TBC1D22A: variants seen among roughly 807,000 people sequenced by gnomAD.
TBC1D22A encodes putative GTPase activator.
TBC1D22A carries 38 observed loss-of-function variants against 60.2 expected under a neutral mutation model. The ratio of observed to expected loss-of-function variants is 0.63; its 90% CI spans 0.49 to 0.83. TBC1D22A has a LOEUF of 0.83. Ranked by LOEUF, TBC1D22A falls within the 40% of genes least tolerant of loss-of-function variation. The pLI is 0.00. For missense variants in TBC1D22A, 628 were observed against 701.0 expected, an observed-to-expected ratio of 0.90 and a Z score of 1.18; for synonymous variants, 302 against 281.7, an observed-to-expected ratio of 1.07 and a Z score of -0.72.
At chr22:47,091,373 G>GGTGGCTGC (rs1569437436) in intron 11 of TBC1D22A, among the ~76,000 whole-genome samples, 6 of 62,324 alleles carry the variant, frequency 9.6e-5, no homozygotes, top group Middle Eastern at 0.015. Flanking sequence ...TCGCAGAGGG[G>GGTGGCTGC]TTGTTGATAG....
intron 11 of TBC1D22A, among the ~76,000 whole-genome samples, chr22:47,050,533 C>T (rs1417951235): frequency 6.6e-6 from 1 of 152,248 alleles, no homozygotes; most frequent in Non-Finnish European, 1.5e-5. Flanking sequence ...AGCTTGAGAG[C>T]ATCCGTTCAG....
In TBC1D22A at chr22:46,822,569, A is replaced by T. The variant is rs139589; in HGVS notation, c.637+24949A>T. 8.8e-4 allele frequency among the ~76,000 whole-genome samples: 133 copies of T among 151,910 alleles called. 1 individual carries two copies. The highest frequency in any genetic ancestry group is 3.1e-3 in the African/African-American group (127 of 41,376). ...ATTCAACTGATTCACTCCCATGCCTAGAGATGTCACTCATGGAGGCTGGAG... is the reference window on the plus strand; with the variant it reads ...ATTCAACTGATTCACTCCCATGCCTTGAGATGTCACTCATGGAGGCTGGAG... On this transcript the variant is annotated intron_variant, in intron 4 of 12. Transcript: ENST00000337137.
At chr22:47,121,568 A>T (rs1029842095) in intron 12 of TBC1D22A, among the ~76,000 whole-genome samples, 3 of 152,198 alleles carry the variant, frequency 2.0e-5, no homozygotes, top group Non-Finnish European at 2.9e-5. Context: ...ATATATCGAC[A>T]TATGTAATAC....
At chr22:47,162,459 G>A (rs2068024635) in intron 12 of TBC1D22A, among the ~76,000 whole-genome samples, 1 of 152,190 alleles carries the variant, frequency 6.6e-6, no homozygotes, top group Non-Finnish European at 1.5e-5. Context: ...CCTTGACCGA[G>A]CCTCCTGCAT....
At chr22:47,101,111 G>A (rs1023930107) in intron 11 of TBC1D22A, among the ~76,000 whole-genome samples, 1 of 152,188 alleles carries the variant, frequency 6.6e-6, no homozygotes. Flanking sequence ...CAAAGCTGCT[G>A]TTTCTTTCAT....
chr22:46,865,746 G>T (rs2067021890), intron 4 of TBC1D22A, among the ~76,000 whole-genome samples: 1 of 152,204 alleles, frequency 6.6e-6, no homozygotes, highest in Non-Finnish European at 1.5e-5. Flanking sequence ...CCCCCCCATG[G>T]GGGAGGCCTG....
At chr22:47,172,990 T>C (rs952204987) in intron 12 of TBC1D22A, among the ~76,000 whole-genome samples, 5 of 152,246 alleles carry the variant, frequency 3.3e-5, no homozygotes, top group African/African-American at 1.2e-4. Flanking sequence ...AAATCTGTGC[T>C]TAGTGGCAGT....
intron 4 of TBC1D22A, among the ~76,000 whole-genome samples, chr22:46,829,829 A>G (rs1202126668): frequency 6.6e-6 from 1 of 152,016 alleles, no homozygotes; most frequent in Non-Finnish European, 1.5e-5. Context: ...GGAGGTTTGG[A>G]GTTCAGTGCC....
intron 1 of TBC1D22A, among the ~76,000 whole-genome samples, chr22:46,769,671 G>A (rs368058819): frequency 6.6e-6 from 1 of 152,160 alleles, no homozygotes; most frequent in African/African-American, 2.4e-5. Context: ...AGGCACTGGA[G>A]CTGCTTCCAA....
intron 5 of TBC1D22A, among the ~76,000 whole-genome samples, chr22:46,880,695 G>C (rs1417661864): frequency 6.6e-6 from 1 of 152,212 alleles, no homozygotes; most frequent in Middle Eastern, 3.4e-3. Flanking sequence ...GTACCACAGC[G>C]TGGGGGCAGT....
chr22:47,130,360 G>A (rs2066637679), intron 12 of TBC1D22A, among the ~76,000 whole-genome samples: 4 of 151,776 alleles, frequency 2.6e-5, no homozygotes, highest in South Asian at 2.1e-4. Context: ...CCAAACCCAC[G>A]TTTGCCTCAC....
chr22:47,118,703 G>A (rs1366801813), intron 12 of TBC1D22A, among the ~76,000 whole-genome samples: 1 of 152,112 alleles, frequency 6.6e-6, no homozygotes, highest in Non-Finnish European at 1.5e-5. Flanking sequence ...AGTTGGAAAT[G>A]TTAGTGAAAT....
intron 10 of TBC1D22A, among the ~76,000 whole-genome samples, chr22:47,031,297 C>T (rs2062462956): frequency 6.6e-6 from 1 of 152,192 alleles, no homozygotes; most frequent in Admixed American, 6.5e-5. Context: ...GCTGGATTGC[C>T]TTGTCTGTTT....
At chr22:46,966,454 G>GT (rs1394148996) in intron 8 of TBC1D22A, among the ~76,000 whole-genome samples, 1 of 152,104 alleles carries the variant, frequency 6.6e-6, no homozygotes, top group Non-Finnish European at 1.5e-5. Context: ...TTTTCTCCCC[G>GT]TCCCACAGTT....
intron 6 of TBC1D22A, among the ~76,000 whole-genome samples, chr22:46,892,331 C>G (rs2068449544): frequency 1.3e-5 from 2 of 151,752 alleles, no homozygotes; most frequent in Non-Finnish European, 2.9e-5. Flanking sequence ...TGCCTTACCT[C>G]TGTTACATAA....
chr22:47,078,464 G>A (rs923694971), intron 11 of TBC1D22A, among the ~76,000 whole-genome samples: 5 of 152,162 alleles, frequency 3.3e-5, no homozygotes, highest in South Asian at 2.1e-4. Context: ...CATGCCCCCC[G>A]CTCCCTTACC....
chr22:47,157,645 T>G (rs1601707904), intron 12 of TBC1D22A, among the ~76,000 whole-genome samples: 1 of 152,306 alleles, frequency 6.6e-6, no homozygotes, highest in East Asian at 1.9e-4. Context: ...CGTGTGGCCG[T>G]GCAGTTGCCC....
At chr22:47,087,666 C>T (rs1458115288) in intron 11 of TBC1D22A, among the ~76,000 whole-genome samples, 1 of 152,094 alleles carries the variant, frequency 6.6e-6, no homozygotes, top group Non-Finnish European at 1.5e-5. Flanking sequence ...TAAGACAAAG[C>T]AGATAAGTAA....
chr22:46,991,918 ATC>A (rs1258760141), intron 9 of TBC1D22A, among the ~76,000 whole-genome samples: 4 of 151,956 alleles, frequency 2.6e-5, no homozygotes, highest in Non-Finnish European at 4.4e-5. Context: ...CCTCTCTCTC[ATC>A]TCTGCTCAGA....
Sources: allele counts gnomAD v4.1 joint callset (sites outside exome capture counted in the v4.1 genomes callset), GRCh38; gene constraint gnomAD v4.1.1; transcripts MANE v1.5; gene names NCBI Gene and HGNC (gene_info 2026-07-23, HGNC 2026-07-21).